AASS: variants seen among roughly 807,000 people sequenced by gnomAD.
The protein encoded by AASS is aminoadipate-semialdehyde synthase.
In AASS, 86 loss-of-function variants were observed where a neutral mutation model predicts 105.4. The ratio of observed to expected loss-of-function variants is 0.82; its 90% confidence interval spans 0.69 to 0.98. The LOEUF (loss-of-function observed/expected upper bound fraction) is 0.98, where lower values mean the gene tolerates loss of function less well. AASS is among the 50% of genes least tolerant of loss of function. The pLI is 0.00. For synonymous variants in AASS, 381 were observed against 394.8 expected, an observed-to-expected ratio of 0.96 and a Z score of 0.41; for missense variants, 1,048 against 1,143.2, an observed-to-expected ratio of 0.92 and a Z score of 1.20.
chr7:122,122,089 GTTT>G (rs1356092188), intron 4 of AASS, among the ~76,000 whole-genome samples: 1 of 151,916 alleles, frequency 6.6e-6, no homozygotes, highest in Non-Finnish European at 1.5e-5. Context: ...TATTTTCAAT[GTTT>G]TTATCATTAT....
chr7:122,110,843 T>C (rs279667), intron 11 of AASS, among the ~76,000 whole-genome samples: 95,727 of 151,696 alleles, frequency 0.63, 32,161 homozygotes, highest in African/African-American at 0.89. Context: ...TTGGTATATT[T>C]CTTAGCAACC....
intron 21 of AASS, chr7:122,079,182 A>G (rs1793186072): frequency 1.4e-6 from 2 of 1,418,974 alleles, no homozygotes; most frequent in Non-Finnish European, 1.8e-6. Flanking sequence ...GGCAGAGATG[A>G]TGGATTGTAA....
At chr7:122,129,331 TA>T in intron 3 of AASS, 29 bp downstream of exon 3, 1 of 1,405,834 alleles carries the variant, frequency 7.1e-7, no homozygotes, top group South Asian at 1.6e-5. Flanking sequence ...TTTTCTACAT[TA>T]ATATTTATAA....
rs1432957434 is a variant in AASS, at chr7:122,101,379, C to T, written c.1398G>A (p.Arg466=). 6.2e-7 allele frequency: 1 copy of T among 1,607,416 alleles called. No homozygotes were observed. The highest frequency in any genetic ancestry group is 8.5e-7 in the Non-Finnish European group (1 of 1,174,620). ...PDKYKYIQTL[R]ESRERAQSLS... is the part of the protein sequence containing the mutation. The stretch of plus-strand genomic sequence containing the variant: ...ATTTGAACAATACTTACCTGCTCTC[C>T]CGGAGTGTCTGGATATATTTATATT... The change falls in exon 13 of 24, where the codon CGG becomes CGA. Residue 466 remains arginine, a synonymous_variant. Transcript: ENST00000417368.
At chr7:122,077,810 G>A (rs371822556) in intron 23 of AASS, 28 bp downstream of exon 23, 89 of 1,613,908 alleles carry the variant, frequency 5.5e-5, no homozygotes, top group Non-Finnish European at 7.4e-5. Flanking sequence ...AACAGAAACA[G>A]GCTTACACCT....
At chr7:122,141,731 T>C (rs1796411152) in intron 1 of AASS, among the ~76,000 whole-genome samples, 1 of 142,198 alleles carries the variant, frequency 7.0e-6, no homozygotes, top group Non-Finnish European at 1.5e-5. Flanking sequence ...TGTCGTGAAA[T>C]ATAGTACAGT....
chr7:122,119,179 G>GC (rs1283779002), intron 4 of AASS, among the ~76,000 whole-genome samples: 1 of 152,124 alleles, frequency 6.6e-6, no homozygotes, highest in East Asian at 1.9e-4. Context: ...AACGAAGAGT[G>GC]CCCCTCAGCA....
rs1794277124 is a variant in AASS, at chr7:122,098,536, T to C, written c.1569A>G (p.Lys523=). The change falls in exon 15 of 24, where the codon AAA becomes AAG. Residue 523 remains lysine (K), a synonymous_variant. Coordinates refer to ENST00000417368, the MANE Select transcript of AASS (RefSeq NM_005763.4). Reference sequence around the variant, plus strand: ...CCATGCTAACAGGATTAATATTATATTTCTTGCCTAACTGTTCAATTTGAT... The same window carrying C: ...CCATGCTAACAGGATTAATATTATACTTCTTGCCTAACTGTTCAATTTGAT... ...MKNQIEQLGK[K]YNINPVSMDI... is the part of the protein sequence containing the mutation. 2.5e-6 allele frequency: 4 copies of C among 1,611,040 alleles called. No individual in the cohort carries two copies. The highest frequency in any genetic ancestry group is 2.7e-5 in the African/African-American group (2 of 74,776).
At position 122,140,877 on chromosome 7, in the gene AASS, T is replaced by TAA. The variant is rs543836575; in HGVS notation, c.-16+3282_-16+3283dup. Among the ~76,000 whole-genome samples the TAA allele has an allele frequency of 1.3e-4, 16 of 126,948 alleles. 1 individual carries two copies. The highest frequency in any genetic ancestry group is 3.2e-4 in the Admixed American group (4 of 12,576). The allele number at this position is 126,948 out of a possible 152,430, so 83.3% of individuals were successfully genotyped here. On this transcript the variant is annotated intron_variant, in intron 1 of 23. Transcript: ENST00000417368. ...ATTTATATTCACCCTTCCAAGTAAC[T>TAA]AAAAAAAAAAAAAAAATACAAGTAT...
intron 2 of AASS, among the ~76,000 whole-genome samples, chr7:122,132,949 G>A (rs1409418813): frequency 1.3e-5 from 2 of 152,064 alleles, no homozygotes; most frequent in African/African-American, 2.4e-5. Context: ...TCTGAACATA[G>A]ACTATATAAG....
intron 1 of AASS, among the ~76,000 whole-genome samples, chr7:122,142,572 T>C (rs557055146): frequency 1.3e-5 from 2 of 152,348 alleles, no homozygotes; most frequent in Admixed American, 1.3e-4. Context: ...TTACACATTT[T>C]AGCATCAGTG....
chr7:122,109,059 T>C (rs1794809554), intron 11 of AASS, among the ~76,000 whole-genome samples: 1 of 151,368 alleles, frequency 6.6e-6, no homozygotes, highest in Admixed American at 6.6e-5. Flanking sequence ...ACAGCAAAAA[T>C]AAGATGCATA....
chr7:122,114,952 C>T, intron 9 of AASS, 122 bp downstream of exon 9: 2 of 1,369,412 alleles, frequency 1.5e-6, no homozygotes, highest in South Asian at 1.2e-5. Context: ...GCCAAGAGGT[C>T]AAGAAAGATA....
At chr7:122,140,203 C>T (rs536973321) in intron 1 of AASS, among the ~76,000 whole-genome samples, 155 of 151,930 alleles carry the variant, frequency 1.0e-3, no homozygotes, top group Non-Finnish European at 1.8e-3. Context: ...ATGAACTAAG[C>T]GGCTGGGTGC....
intron 18 of AASS, among the ~76,000 whole-genome samples, chr7:122,086,920 A>T (rs570693912): frequency 1.3e-5 from 2 of 152,296 alleles, no homozygotes; most frequent in African/African-American, 4.8e-5. Flanking sequence ...TCAAAATGCA[A>T]TGAAGGATTT....
intron 12 of AASS, 25 bp downstream of exon 12, chr7:122,101,595 GA>G: frequency 6.3e-7 from 1 of 1,594,444 alleles, no homozygotes; most frequent in Middle Eastern, 1.7e-4. Flanking sequence ...ATACATTTAT[GA>G]AAAAATATTC....
intron 1 of AASS, among the ~76,000 whole-genome samples, chr7:122,140,892 A>T (rs1435396353): frequency 6.6e-6 from 1 of 152,074 alleles, no homozygotes; most frequent in Non-Finnish European, 1.5e-5. Flanking sequence ...AAAAAAAAAA[A>T]ATACAAGTAT....
Position 122,129,439 on chromosome 7 carries a change from C to T in AASS, c.309G>A (p.Arg103=). 6.2e-7 allele frequency: 1 copy of T among 1,613,498 alleles called. No individual in the cohort carries two copies. Among genetic ancestry groups the T allele is most frequent in the Non-Finnish European group, 8.5e-7 (1 of 1,179,658 alleles). ...TGTGGGAGAAAAATGCATAAGTCTT[C>T]CTGGACATTAATTTTTCCTCTGGAG... The part of the protein sequence containing the change: ...KRPPEEKLMS[R]KTYAFFSHTI... Residue 103 remains arginine (R), a synonymous_variant, in exon 3 of 24, where the codon AGG becomes AGA. Coordinates refer to ENST00000417368, the MANE Select transcript of AASS (RefSeq NM_005763.4).
At chr7:122,104,230 T>C (rs1375929246) in intron 11 of AASS, among the ~76,000 whole-genome samples, 1 of 152,010 alleles carries the variant, frequency 6.6e-6, no homozygotes, top group Non-Finnish European at 1.5e-5. Context: ...CCAATCTAGA[T>C]ACCCATCAGT....
Sources: allele counts gnomAD v4.1 joint callset (sites outside exome capture counted in the v4.1 genomes callset), GRCh38; gene constraint gnomAD v4.1.1; transcripts MANE v1.5; gene names NCBI Gene and HGNC (gene_info 2026-07-23, HGNC 2026-07-21).